Variants in TBC1D5 observed in about 807,000 individuals in gnomAD.
The protein encoded by TBC1D5 is TBC1 domain family member 5.
Under a neutral mutation model 100.3 loss-of-function variants are expected in TBC1D5, and 75 were observed. The observed-to-expected ratio is 0.75, with a 90% CI of 0.62 to 0.91. TBC1D5 has a LOEUF of 0.91. Ranked by LOEUF, TBC1D5 falls within the 40% of genes least tolerant of loss-of-function variation. The probability of loss-of-function intolerance (pLI) is 0.00; values close to 1 mark genes in which losing one functional copy is unlikely to be tolerated. For synonymous variants in TBC1D5, 323 were observed against 325.6 expected, an observed-to-expected ratio of 0.99 and a Z score of 0.09; for missense variants, 910 against 942.4, an observed-to-expected ratio of 0.97 and a Z score of 0.45.
chr3:17,598,452 C>T lies in TBC1D5; in HGVS notation c.-36+25397G>A, dbSNP rs563637717. On this transcript the variant is annotated intron_variant, in intron 2 of 21. Transcript: ENST00000253692. Reference sequence around the variant, plus strand: ...TGTTTTATATTCTAAATTCTCAGTTCCAGACTTCTTATTCTGCATCTCATT... The same window carrying T: ...TGTTTTATATTCTAAATTCTCAGTTTCAGACTTCTTATTCTGCATCTCATT... Among the ~76,000 whole-genome samples the T allele has an allele frequency of 2.4e-4, 37 of 152,248 alleles. 1 individual carries two copies. The highest frequency in any genetic ancestry group is 2.0e-3 in the Admixed American group (31 of 15,294).
chr3:17,533,863 A>G (rs1033322599), intron 2 of TBC1D5, among the ~76,000 whole-genome samples: 2 of 150,316 alleles, frequency 1.3e-5, no homozygotes, highest in African/African-American at 4.9e-5. Flanking sequence ...CATTCTCCAC[A>G]TACATACACA....
chr3:17,408,733 A>AT (rs1238403574), intron 4 of TBC1D5, among the ~76,000 whole-genome samples: 3 of 152,200 alleles, frequency 2.0e-5, no homozygotes, highest in African/African-American at 7.2e-5. Flanking sequence ...TCATCAGCCA[A>AT]TTTTTTAACC....
exon 22 of TBC1D5, chr3:17,159,253 G>A (rs1433423068): frequency 6.6e-6 from 1 of 152,194 alleles, no homozygotes; most frequent in African/African-American, 2.4e-5. Context: ...GCAAATTGCA[G>A]AACCAATTAG....
chr3:17,734,605 C>T (rs895965418), intron 1 of TBC1D5, among the ~76,000 whole-genome samples: 4 of 152,156 alleles, frequency 2.6e-5, no homozygotes, highest in Non-Finnish European at 4.4e-5. Context: ...GACTTAGCTA[C>T]ATAAAATGTT....
intron 3 of TBC1D5, among the ~76,000 whole-genome samples, chr3:17,499,386 C>T (rs1348169396): frequency 7.4e-6 from 1 of 135,182 alleles, no homozygotes; most frequent in Non-Finnish European, 1.5e-5. Context: ...CTAAGCTATG[C>T]GGGCTGAAAG....
chr3:17,358,094 C>T (rs868742201), intron 13 of TBC1D5, among the ~76,000 whole-genome samples: 2 of 152,112 alleles, frequency 1.3e-5, no homozygotes, highest in South Asian at 4.1e-4. Flanking sequence ...AACTGGTGAG[C>T]TAGAGAAACT....
chr3:17,639,526 GC>G (rs2064299176), intron 1 of TBC1D5, among the ~76,000 whole-genome samples: 1 of 151,282 alleles, frequency 6.6e-6, no homozygotes, highest in Admixed American at 6.6e-5. Context: ...TTTTGCACGA[GC>G]ACAAACTATT....
chr3:17,353,915 C>T (rs966085608), intron 13 of TBC1D5, among the ~76,000 whole-genome samples: 1 of 152,030 alleles, frequency 6.6e-6, no homozygotes, highest in African/African-American at 2.4e-5. Context: ...CTTCATGTTG[C>T]CTATGCTTGT....
chr3:17,430,668 C>T (rs1044171863), intron 3 of TBC1D5, among the ~76,000 whole-genome samples: 3 of 151,846 alleles, frequency 2.0e-5, no homozygotes, highest in African/African-American at 7.2e-5. Flanking sequence ...TCCCTCAATC[C>T]TCTAGTTGAA....
chr3:17,336,036 G>A (rs1400897667), intron 13 of TBC1D5, among the ~76,000 whole-genome samples: 1 of 152,092 alleles, frequency 6.6e-6, no homozygotes, highest in African/African-American at 2.4e-5. Context: ...GGTTTACAAT[G>A]TATAAGGAAT....
At chr3:17,374,631 G>A (rs1389486937) in exon 11 of TBC1D5, 1 of 1,611,204 alleles carries the variant, frequency 6.2e-7, no homozygotes, top group Non-Finnish European at 8.5e-7. Context: ...GTACTTACTA[G>A]GCATCATGTT....
chr3:17,621,182 T>TA (rs576596182), intron 2 of TBC1D5, among the ~76,000 whole-genome samples: 12 of 151,344 alleles, frequency 7.9e-5, no homozygotes, highest in Admixed American at 1.3e-4. Flanking sequence ...TATCTCTAAA[T>TA]AAAAAAAAAT....
chr3:17,659,559 A>C (rs865886281), intron 1 of TBC1D5, among the ~76,000 whole-genome samples: 4 of 152,146 alleles, frequency 2.6e-5, no homozygotes, highest in African/African-American at 9.7e-5. Flanking sequence ...ATTTATTACA[A>C]ATTCCAAATT....
chr3:17,540,905 CAAAAAA>C (rs71634807), intron 2 of TBC1D5, among the ~76,000 whole-genome samples: 1 of 31,458 alleles, frequency 3.2e-5, no homozygotes, highest in African/African-American at 1.8e-4. Context: ...GGCTCCATCT[CAAAAAA>C]AAAAAAAAAA....
intron 2 of TBC1D5, among the ~76,000 whole-genome samples, chr3:17,609,958 T>G (rs1035620293): frequency 3.9e-5 from 6 of 152,198 alleles, no homozygotes; most frequent in Non-Finnish European, 8.8e-5. Context: ...CCCAAAACCT[T>G]TACTCTACAT....
intron 3 of TBC1D5, among the ~76,000 whole-genome samples, chr3:17,446,047 TA>T (rs2094786082): frequency 6.6e-6 from 1 of 152,150 alleles, no homozygotes; most frequent in African/African-American, 2.4e-5. Context: ...AGTCATTGCT[TA>T]AAATAATACA....
intron 1 of TBC1D5, among the ~76,000 whole-genome samples, chr3:17,694,378 C>A (rs1201841382): frequency 6.6e-6 from 1 of 151,864 alleles, no homozygotes; most frequent in African/African-American, 2.4e-5. Context: ...CTAACTAGAA[C>A]AAACAGTGTA....
intron 15 of TBC1D5, among the ~76,000 whole-genome samples, chr3:17,291,052 CACAG>C (rs2150140542): frequency 6.6e-6 from 1 of 152,266 alleles, no homozygotes; most frequent in South Asian, 2.1e-4. Flanking sequence ...CAATGGAACC[CACAG>C]ACAGACTGAC....
rs150886068 is a variant in TBC1D5 at position 17,502,703 on chromosome 3, C to T, written c.97+5771G>A. Among the ~76,000 whole-genome samples, 1,401 of 149,386 alleles carry T rather than the reference C, an allele frequency of 9.4e-3. 48 individuals are homozygous for T. The highest frequency in any genetic ancestry group is 0.034 in the Middle Eastern group (10 of 292). ...CTAACTCACATCTGAAACTGAACAT[C>T]CAATGTCATGTCCTCTGCAGCCCTC... On this transcript the variant is annotated intron_variant, in intron 3 of 21. Transcript: ENST00000253692.
Sources: allele counts gnomAD v4.1 joint callset (sites outside exome capture counted in the v4.1 genomes callset), GRCh38; gene constraint gnomAD v4.1.1; transcripts MANE v1.5; gene names NCBI Gene and HGNC (gene_info 2026-07-23, HGNC 2026-07-21).